Variants in FRRS1L observed in about 807,000 individuals in gnomAD.
The protein encoded by FRRS1L is ferric chelate reductase 1 like, also known as DOMON domain-containing protein FRRS1L.
In FRRS1L, 22 loss-of-function variants were observed where a neutral mutation model predicts 28.6. The observed-to-expected ratio is 0.77, with a 90% CI of 0.55 to 1.10. FRRS1L has a LOEUF of 1.10. FRRS1L is among the 50% of genes least tolerant of loss of function. FRRS1L has a pLI of 0.00. For synonymous variants in FRRS1L, 158 were observed against 151.4 expected, an observed-to-expected ratio of 1.04 and a Z score of -0.32; for missense variants, 380 against 386.9, an observed-to-expected ratio of 0.98 and a Z score of 0.15.
At chr9:109,160,694 C>T (rs553805674) in intron 1 of FRRS1L, among the ~76,000 whole-genome samples, 1 of 152,044 alleles carries the variant, frequency 6.6e-6, no homozygotes, top group African/African-American at 2.4e-5. Flanking sequence ...CCTCAGAAAC[C>T]AGAGCCTGAC....
At chr9:109,157,515 C>A (rs924738612) in intron 1 of FRRS1L, among the ~76,000 whole-genome samples, 6 of 152,090 alleles carry the variant, frequency 3.9e-5, no homozygotes, top group Non-Finnish European at 7.4e-5. Context: ...GCACCCTGAG[C>A]AGCTGGGACC....
chr9:109,146,956 T>G, intron 3 of FRRS1L, 95 bp downstream of exon 3: 1 of 1,149,228 alleles, frequency 8.7e-7, no homozygotes, highest in Non-Finnish European at 1.3e-6. Context: ...AATTTGATCA[T>G]TATACTGCTT....
At chr9:109,140,876 A>G (rs1367773567) in intron 4 of FRRS1L, 1 of 167,994 alleles carries the variant, frequency 6.0e-6, no homozygotes, top group East Asian at 1.5e-4. Context: ...AGGAGTTAAG[A>G]GTATTCATGG....
intron 1 of FRRS1L, among the ~76,000 whole-genome samples, chr9:109,166,480 T>C (rs1313248869): frequency 6.6e-6 from 1 of 152,106 alleles, no homozygotes; most frequent in African/African-American, 2.4e-5. Flanking sequence ...CCTCTCTCTT[T>C]AGGTTGGGGT....
intron 1 of FRRS1L, among the ~76,000 whole-genome samples, chr9:109,156,806 G>A (rs1588102999): frequency 6.6e-6 from 1 of 151,638 alleles, no homozygotes; most frequent in East Asian, 1.9e-4. Flanking sequence ...CTCACCCCGG[G>A]ACTACAGGCA....
rs140650290 is a variant in FRRS1L at position 109,142,872 on chromosome 9, C to T, written c.463-1283G>A. On this transcript the variant is annotated intron_variant, in intron 3 of 4. Transcript: ENST00000561981. The stretch of plus-strand genomic sequence containing the variant: ...ATAAAATGGTTAATTTTGTTATGTG[C>T]GTTTTACCACAATAAAAAAGTTATT... Among the ~76,000 whole-genome samples, 315 of 151,882 alleles carry T rather than the reference C, an allele frequency of 2.1e-3. 3 individuals are homozygous for T. Among genetic ancestry groups the T allele is most frequent in the African/African-American group, 7.0e-3 (289 of 41,418 alleles).
chr9:109,143,141 C>A (rs543386657), intron 3 of FRRS1L, among the ~76,000 whole-genome samples: 1 of 152,092 alleles, frequency 6.6e-6, no homozygotes, highest in East Asian at 1.9e-4. Flanking sequence ...ATGGTGAAAC[C>A]TCGTCTCTAC....
intron 1 of FRRS1L, among the ~76,000 whole-genome samples, chr9:109,155,167 CA>C (rs950149622): frequency 6.6e-5 from 10 of 152,200 alleles, no homozygotes; most frequent in African/African-American, 2.4e-4. Flanking sequence ...CAGAGCTGAC[CA>C]GTGAGGGCCC....
chr9:109,161,425 ACT>A (rs1396247074), intron 1 of FRRS1L, among the ~76,000 whole-genome samples: 1 of 151,400 alleles, frequency 6.6e-6, no homozygotes, highest in African/African-American at 2.4e-5. Flanking sequence ...GCTGACATGG[ACT>A]CTATAAGCTC....
In FRRS1L at chr9:109,167,180, CGGGGGCG is replaced by C; in HGVS notation, c.-49_-43del. 8.6e-7 allele frequency: 1 copy of C among 1,156,186 alleles called. No homozygotes were observed. Among genetic ancestry groups the C allele is most frequent in the Non-Finnish European group, 1.1e-6 (1 of 942,206 alleles). The allele number at this position is 1,156,186 out of a possible 1,614,324, so 71.6% of individuals were successfully genotyped here. A position where few individuals can be genotyped will look rare whatever the true frequency, so the allele number is the denominator to read the frequency against. On this transcript the variant is annotated 5_prime_UTR_variant, in exon 1 of 5. Coordinates refer to ENST00000561981, the MANE Select transcript of FRRS1L (RefSeq NM_014334.4). The stretch of plus-strand genomic sequence containing the variant: ...CGCAGCCAGGCCGCTCGGGCCGCAG[CGGGGGCG>C]CCGCGGGCGCGGGCCGGGACTGAGC...
intron 1 of FRRS1L, among the ~76,000 whole-genome samples, chr9:109,162,073 T>C (rs1404332903): frequency 6.6e-6 from 1 of 152,176 alleles, no homozygotes; most frequent in Non-Finnish European, 1.5e-5. Flanking sequence ...TCCAGCACTT[T>C]GGGGGGCCAA....
intron 3 of FRRS1L, among the ~76,000 whole-genome samples, chr9:109,144,779 G>A (rs1157360799): frequency 6.6e-6 from 1 of 151,620 alleles, no homozygotes; most frequent in Admixed American, 6.6e-5. Flanking sequence ...CGCCTCCTGG[G>A]TTCAAGCGAT....
rs1189531357 is a variant in FRRS1L at position 109,141,601 on chromosome 9, A to G, written c.463-12T>C. Reference sequence around the variant, plus strand: ...ACATCATCACCACCCTAACATGAGAAATGATTGAGAAAAAAAAAAGTCAAA... The same window carrying G: ...ACATCATCACCACCCTAACATGAGAGATGATTGAGAAAAAAAAAAGTCAAA... On this transcript the variant is annotated splice_polypyrimidine_tract_variant and intron_variant, in intron 3 of 4. Coordinates refer to ENST00000561981, the MANE Select transcript of FRRS1L (RefSeq NM_014334.4). 1 of 1,594,704 alleles carries G rather than the reference A, an allele frequency of 6.3e-7. No homozygotes were observed. Among genetic ancestry groups the G allele is most frequent in the Non-Finnish European group, 8.5e-7 (1 of 1,169,652 alleles).
Position 109,167,193 on chromosome 9 carries a change from G to A in FRRS1L, c.-55C>T. On this transcript the variant is annotated 5_prime_UTR_variant, in exon 1 of 5. Coordinates refer to ENST00000561981, the MANE Select transcript of FRRS1L (RefSeq NM_014334.4). ...CTCGGGCCGCAGCGGGGGCGCCGCG[G>A]GCGCGGGCCGGGACTGAGCCTCCGC... is the stretch of plus-strand genomic sequence containing the variant. 2 of 1,172,582 alleles carry A rather than the reference G, an allele frequency of 1.7e-6. No homozygotes were observed. The highest frequency in any genetic ancestry group is 2.1e-6 in the Non-Finnish European group (2 of 952,460). The allele number at this position is 1,172,582 out of a possible 1,614,324, so 72.6% of individuals were successfully genotyped here.
chr9:109,138,097 CT>C (rs1831137205), intron 4 of FRRS1L: 1 of 152,388 alleles, frequency 6.6e-6, no homozygotes, highest in African/African-American at 2.4e-5. Context: ...CCTGACAACA[CT>C]ACTAACGTCT....
chr9:109,166,925 C>A lies in FRRS1L; in HGVS notation c.214G>T (p.Asp72Tyr). 7.3e-7 allele frequency: 1 copy of A among 1,367,758 alleles called. No individual in the cohort carries two copies. Among genetic ancestry groups the A allele is most frequent in the East Asian group, 3.2e-5 (1 of 31,542 alleles). 84.7% of individuals were successfully genotyped at this position (1,367,758 alleles called of 1,614,324 possible). Residue 72 changes from aspartate (D) to tyrosine (Y), a missense_variant, in exon 1 of 5, where the codon GAC becomes TAC. By Grantham distance (160) the Asp-to-Tyr change is radical. Transcript: ENST00000561981. ...CCCTCCTCCGACAGGTAGCGCAGGTCGTAGAACTCCCCCGCGAAGGTGCCG... is the reference window on the plus strand; with the variant it reads ...CCCTCCTCCGACAGGTAGCGCAGGTAGTAGAACTCCCCCGCGAAGGTGCCG... ...SYGTFAGEFYDLRYLSEEGYP... is the reference protein window; with the variant it reads ...SYGTFAGEFYYLRYLSEEGYP...
At chr9:109,145,090 G>A (rs909486619) in intron 3 of FRRS1L, among the ~76,000 whole-genome samples, 2 of 152,188 alleles carry the variant, frequency 1.3e-5, no homozygotes, top group Non-Finnish European at 2.9e-5. Context: ...GGTGCTCTAG[G>A]CAGAAACAGC....
In FRRS1L at chr9:109,150,545, C is replaced by G. The variant is rs187448536; in HGVS notation, c.239-825G>C. 2.2e-4 allele frequency: 34 copies of G among 152,276 alleles called. 1 individual carries two copies. The East Asian group carries it at 6.0e-3, about 27-fold the overall frequency. 9.4% of individuals were successfully genotyped at this position (152,276 alleles called of 1,614,324 possible). On this transcript the variant is annotated intron_variant, in intron 1 of 4. Coordinates refer to ENST00000561981, the MANE Select transcript of FRRS1L (RefSeq NM_014334.4). ...GCTAAATTCTTTAAACACATAATTT[C>G]TAACAGTTGTCTATCTTTCTTATAA...
chr9:109,164,397 T>C (rs1447432088), intron 1 of FRRS1L, among the ~76,000 whole-genome samples: 1 of 34,340 alleles, frequency 2.9e-5, no homozygotes, highest in South Asian at 5.0e-4. Context: ...AGCAGGTTGA[T>C]TTTTTTTTTT....
Sources: gnomAD v4.1 joint callset for allele counts (sites outside exome capture counted in the v4.1 genomes callset) on GRCh38, gnomAD v4.1.1 for gene constraint, MANE v1.5 for transcripts, NCBI Gene and HGNC (gene_info 2026-07-23, HGNC 2026-07-21) for gene names.